The following SH3RF3 variants were observed in gnomAD, a reference collection of about 807,000 sequenced individuals.
SH3RF3 encodes E3 ubiquitin-protein ligase SH3RF3.
In SH3RF3, 29 loss-of-function variants were observed where a neutral mutation model predicts 66.3. That is an observed-to-expected ratio of 0.44 (90% CI 0.33 to 0.60). The LOEUF (loss-of-function observed/expected upper bound fraction) is 0.60, where lower values mean the gene tolerates loss of function less well. SH3RF3 is among the 20% of genes least tolerant of loss of function. The probability of loss-of-function intolerance (pLI) is 0.04; values close to 1 mark genes in which losing one functional copy is unlikely to be tolerated. For synonymous variants in SH3RF3, 583 were observed against 532.0 expected, an observed-to-expected ratio of 1.10 and a Z score of -1.32; for missense variants, 1,194 against 1,190.9, an observed-to-expected ratio of 1.00 and a Z score of -0.04.
At chr2:109,317,362 C>G (rs1376167094) in intron 1 of SH3RF3, among the ~76,000 whole-genome samples, 2 of 152,100 alleles carry the variant, frequency 1.3e-5, no homozygotes, top group African/African-American at 4.8e-5. Context: ...GCCCCAGCCC[C>G]AGGGGGTGGA....
At chr2:109,325,049 TTG>T (rs72499347) in intron 1 of SH3RF3, among the ~76,000 whole-genome samples, 55,921 of 151,970 alleles carry the variant, frequency 0.37, 11,851 homozygotes, top group Non-Finnish European at 0.48. Flanking sequence ...TGTGTGGTTT[TTG>T]TGTCTTGTTT....
intron 1 of SH3RF3, among the ~76,000 whole-genome samples, chr2:109,176,265 G>C (rs1677910071): frequency 6.6e-6 from 1 of 152,216 alleles, no homozygotes; most frequent in Non-Finnish European, 1.5e-5. Context: ...TAATAAAATA[G>C]AAAAGGGTAC....
intron 1 of SH3RF3, among the ~76,000 whole-genome samples, chr2:109,343,881 C>T (rs915945383): frequency 1.3e-5 from 2 of 152,022 alleles, no homozygotes; most frequent in African/African-American, 4.8e-5. Flanking sequence ...ATAGCTGAGA[C>T]TACAGGTACT....
intron 1 of SH3RF3, among the ~76,000 whole-genome samples, chr2:109,179,715 A>G (rs532191375): frequency 6.6e-6 from 1 of 152,242 alleles, no homozygotes; most frequent in Non-Finnish European, 1.5e-5. Context: ...CCCTACCCTG[A>G]TGGCTTTATC....
At chr2:109,130,883 C>G (rs7581728) in intron 1 of SH3RF3, among the ~76,000 whole-genome samples, 30,931 of 152,112 alleles carry the variant, frequency 0.2, 3,915 homozygotes, top group Middle Eastern at 0.36. Context: ...CTTACAGCTT[C>G]TTATTACACA....
intron 1 of SH3RF3, among the ~76,000 whole-genome samples, chr2:109,282,024 C>T (rs549358829): frequency 6.6e-6 from 1 of 152,204 alleles, no homozygotes; most frequent in East Asian, 1.9e-4. Flanking sequence ...CAAGATGCTA[C>T]ATCTCTGCTT....
At chr2:109,314,085 G>A (rs1202700599) in intron 1 of SH3RF3, among the ~76,000 whole-genome samples, 2 of 152,100 alleles carry the variant, frequency 1.3e-5, no homozygotes, top group African/African-American at 4.8e-5. Context: ...CCCGGGGCAA[G>A]TGTGGACTTG....
At chr2:109,382,536 C>T (rs1675721018) in intron 3 of SH3RF3, among the ~76,000 whole-genome samples, 1 of 152,160 alleles carries the variant, frequency 6.6e-6, no homozygotes, top group South Asian at 2.1e-4. Context: ...CAGCTGTGTC[C>T]CCAGGCCTCA....
rs563582110 is a variant in SH3RF3 at position 109,453,049 on chromosome 2, G to C, written c.2148+3560G>C. On this transcript the variant is annotated intron_variant, in intron 8 of 9. Coordinates refer to ENST00000309415, the MANE Select transcript of SH3RF3 (RefSeq NM_001099289.3). ...GGCTGGTGCTCTGCTGCTATATCCA[G>C]GGGGATTGGGCCTTTGAGCTCTGTT... Among the ~76,000 whole-genome samples the C allele has an allele frequency of 2.6e-5, 4 of 152,296 alleles. No homozygotes were observed. The East Asian group carries it at 7.7e-4, about 29-fold the overall frequency.
Position 109,421,261 on chromosome 2 carries a change from G to A in SH3RF3, c.1403+1619G>A, listed in dbSNP as rs771190791. Reference sequence around the variant, plus strand: ...GCAGGTCAGGTTGCTGAGGCCATGAGTGCTTCAAGGGCAAAGCCCAGATGT... The same window carrying A: ...GCAGGTCAGGTTGCTGAGGCCATGAATGCTTCAAGGGCAAAGCCCAGATGT... On this transcript the variant is annotated intron_variant, in intron 5 of 9. Transcript: ENST00000309415. Among the ~76,000 whole-genome samples, 57 of 152,244 alleles carry A rather than the reference G, an allele frequency of 3.7e-4. 1 individual carries two copies. The highest frequency in any genetic ancestry group is 7.2e-4 in the Admixed American group (11 of 15,286).
chr2:109,238,687 T>C (rs559510610), intron 1 of SH3RF3, among the ~76,000 whole-genome samples: 1 of 152,282 alleles, frequency 6.6e-6, no homozygotes. Flanking sequence ...CAGGATGGCC[T>C]CACTCCACAG....
chr2:109,143,834 G>A (rs931217290), intron 1 of SH3RF3, among the ~76,000 whole-genome samples: 6 of 137,856 alleles, frequency 4.4e-5, no homozygotes, highest in Non-Finnish European at 9.8e-5. Context: ...ACACACACAC[G>A]TATATACACA....
intron 4 of SH3RF3, among the ~76,000 whole-genome samples, chr2:109,402,079 G>A (rs1676331093): frequency 6.6e-6 from 1 of 152,234 alleles, no homozygotes; most frequent in African/African-American, 2.4e-5. Flanking sequence ...GACAGAAGGG[G>A]CACCTGGTGC....
intron 1 of SH3RF3, among the ~76,000 whole-genome samples, chr2:109,159,603 G>A (rs1677436985): frequency 6.6e-6 from 1 of 152,196 alleles, no homozygotes; most frequent in Non-Finnish European, 1.5e-5. Flanking sequence ...CCTGGGCCAT[G>A]GACTGATACC....
At chr2:109,138,493 G>T (rs934823891) in intron 1 of SH3RF3, among the ~76,000 whole-genome samples, 15 of 152,216 alleles carry the variant, frequency 9.9e-5, no homozygotes, top group African/African-American at 3.4e-4. Context: ...TGCTGCATTT[G>T]CTGGCAAAGT....
intron 2 of SH3RF3, among the ~76,000 whole-genome samples, chr2:109,348,675 A>G (rs1329242435): frequency 6.6e-5 from 10 of 152,212 alleles, no homozygotes; most frequent in Admixed American, 1.3e-4. Flanking sequence ...CGTTTTCTCC[A>G]TGTGTAAACC....
chr2:109,146,885 T>TCCCCCCCCCC (rs570589119), intron 1 of SH3RF3, among the ~76,000 whole-genome samples: 1 of 14,404 alleles, frequency 6.9e-5, no homozygotes, highest in Non-Finnish European at 1.0e-4. Context: ...CTTTTTTCCC[T>TCCCCCCCCCC]CCCCCCCCCC....
chr2:109,313,154 C>T (rs1681775493), intron 1 of SH3RF3, among the ~76,000 whole-genome samples: 1 of 152,198 alleles, frequency 6.6e-6, no homozygotes, highest in Admixed American at 6.5e-5. Context: ...CATCTGTGTG[C>T]ATGGGCTGAG....
intron 1 of SH3RF3, among the ~76,000 whole-genome samples, chr2:109,210,797 T>G (rs190317591): frequency 5.9e-5 from 9 of 152,340 alleles, no homozygotes; most frequent in Admixed American, 5.9e-4. Flanking sequence ...ACGACCTATT[T>G]CTAAAGCATG....
Sources: gnomAD v4.1 joint callset for allele counts (sites outside exome capture counted in the v4.1 genomes callset) on GRCh38, gnomAD v4.1.1 for gene constraint, MANE v1.5 for transcripts, NCBI Gene and HGNC (gene_info 2026-07-23, HGNC 2026-07-21) for gene names.